The following SSX2IP variants were observed in gnomAD, a reference collection of about 807,000 sequenced individuals.
The protein encoded by SSX2IP is afadin- and alpha-actinin-binding protein.
Under a neutral mutation model 84.9 loss-of-function variants are expected in SSX2IP, and 55 were observed. That is an observed-to-expected ratio of 0.65 (90% CI 0.52 to 0.81). The LOEUF is 0.81. Among genes scored for constraint, SSX2IP ranks in the 30% least tolerant of loss-of-function variants. SSX2IP has a pLI of 0.00. For missense variants in SSX2IP, 664 were observed against 705.2 expected, an observed-to-expected ratio of 0.94 and a Z score of 0.66; for synonymous variants, 239 against 234.7, an observed-to-expected ratio of 1.02 and a Z score of -0.17.
chr1:84,670,444 T>C (rs1275189406), intron 3 of SSX2IP: 2 of 340,378 alleles, frequency 5.9e-6, no homozygotes, highest in Non-Finnish European at 1.1e-5. Context: ...CCTGGGACAA[T>C]GAGGAGGCCA....
chr1:84,678,816 G>C (rs915200818), intron 1 of SSX2IP, among the ~76,000 whole-genome samples: 2 of 152,128 alleles, frequency 1.3e-5, no homozygotes, highest in East Asian at 3.8e-4. Flanking sequence ...CCCTCACAAA[G>C]TACAGTACTT....
intron 1 of SSX2IP, among the ~76,000 whole-genome samples, chr1:84,675,877 C>G (rs1654259430): frequency 6.6e-6 from 1 of 152,208 alleles, no homozygotes; most frequent in Non-Finnish European, 1.5e-5. Flanking sequence ...CCCTGCCCCC[C>G]TTTCCCTTCC....
At chr1:84,668,216 C>T (rs1441549140) in intron 4 of SSX2IP, among the ~76,000 whole-genome samples, 1 of 152,126 alleles carries the variant, frequency 6.6e-6, no homozygotes, top group Non-Finnish European at 1.5e-5. Flanking sequence ...TCAATAGCCT[C>T]AGATCACCAA....
chr1:84,666,034 T>C, intron 5 of SSX2IP, 88 bp downstream of exon 5: 1 of 944,338 alleles, frequency 1.1e-6, no homozygotes, highest in Non-Finnish European at 1.6e-6. Context: ...TCTTTCTTTT[T>C]TCAAGTAAAG....
At position 84,670,685 on chromosome 1, in the gene SSX2IP, T is replaced by C. The variant is rs1353627323; in HGVS notation, c.174A>G (p.Thr58=). ...AGATACTCTGTTCAATATTATCTTC[T>C]GTGCAGAAGGCACTGAAAAAACTGT... The part of the protein sequence containing the change: ...NVHSFFSAFC[T]EDNIEQSISY... Residue 58 remains threonine (T), a synonymous_variant, in exon 3 of 14, where the codon ACA becomes ACG. Coordinates refer to ENST00000342203, the MANE Select transcript of SSX2IP (RefSeq NM_001166293.2). 6.2e-7 allele frequency: 1 copy of C among 1,611,880 alleles called. No homozygotes were observed. Among genetic ancestry groups the C allele is most frequent in the Admixed American group, 1.7e-5 (1 of 59,892 alleles).
intron 9 of SSX2IP, 46 bp from the exon 10 acceptor site, chr1:84,656,530 T>C: frequency 6.4e-7 from 1 of 1,565,714 alleles, no homozygotes; most frequent in Non-Finnish European, 8.6e-7. Flanking sequence ...AGCCACCACT[T>C]AGTTTACAGT....
At chr1:84,660,663 G>A (rs1186826495) in intron 8 of SSX2IP, among the ~76,000 whole-genome samples, 1 of 151,972 alleles carries the variant, frequency 6.6e-6, no homozygotes, top group African/African-American at 2.4e-5. Flanking sequence ...TACTCTGGAG[G>A]CTGAGGCAGG....
At chr1:84,680,311 G>C (rs1434470337) in intron 1 of SSX2IP, 2 of 152,286 alleles carry the variant, frequency 1.3e-5, no homozygotes, top group East Asian at 3.9e-4. Context: ...AGACCATCTG[G>C]TTCCAAACCC....
At position 84,650,512 on chromosome 1, in the gene SSX2IP, T is replaced by G. The variant is rs771683639; in HGVS notation, c.1520A>C (p.Asn507Thr). The G allele has an allele frequency of 7.4e-6, 12 of 1,614,122 alleles. 1 individual carries two copies. In the South Asian group the frequency reaches 1.3e-4, roughly 18 times the overall value. ...CGGCTGCCTCGAGTGCACTATAAGATTGTCCCAATCAGAACCTGTTGTAAA... is the reference window on the plus strand; with the variant it reads ...CGGCTGCCTCGAGTGCACTATAAGAGTGTCCCAATCAGAACCTGTTGTAAA... The part of the protein sequence containing the change: ...SAFSGSSDWD[N>T]LIVHSRQPQK... The change falls in exon 13 of 14, where the codon AAT becomes ACT. Residue 507 changes from asparagine to threonine, a missense_variant. Coordinates refer to ENST00000342203, the MANE Select transcript of SSX2IP (RefSeq NM_001166293.2).
chr1:84,687,040 T>C (rs1655898403), intron 1 of SSX2IP, among the ~76,000 whole-genome samples: 1 of 152,224 alleles, frequency 6.6e-6, no homozygotes, highest in South Asian at 2.1e-4. Flanking sequence ...AGCATTTTTA[T>C]ATCAAGTAGA....
rs757801074 is a variant in SSX2IP at position 84,655,921 on chromosome 1, CTTT to C, written c.1297_1299del (p.Lys433del). 102 of 1,613,820 alleles carry C rather than the reference CTTT, an allele frequency of 6.3e-5. No homozygotes were observed. The highest frequency in any genetic ancestry group is 8.3e-5 in the Non-Finnish European group (98 of 1,179,954). Reference sequence around the variant, plus strand: ...TGCTCTTTAAAAAGGGACCATTCTTCTTTGAGACGTTCCTTTTCTTCCAACAAA... The same window carrying C: ...TGCTCTTTAAAAAGGGACCATTCTTCGAGACGTTCCTTTTCTTCCAACAAA... On this transcript the variant is annotated inframe_deletion, in exon 11 of 14. Coordinates refer to ENST00000342203, the MANE Select transcript of SSX2IP (RefSeq NM_001166293.2).
At position 84,655,958 on chromosome 1, in the gene SSX2IP, T is replaced by G; in HGVS notation, c.1263A>C (p.Arg421=). 1 of 1,613,690 alleles carries G rather than the reference T, an allele frequency of 6.2e-7. No individual in the cohort carries two copies. Among genetic ancestry groups the G allele is most frequent in the Non-Finnish European group, 8.5e-7 (1 of 1,179,910 alleles). ...CCTTTTCTTCCAACAAATAACAGTC[T>G]CGTAATAGTGAAGTGGTATCATCAT... is the stretch of plus-strand genomic sequence containing the variant. ...AYDDDTTSLL[R]DCYLLEEKER... Residue 421 remains arginine (R), a synonymous_variant, in exon 11 of 14, where the codon CGA becomes CGC. Coordinates refer to ENST00000342203, the MANE Select transcript of SSX2IP (RefSeq NM_001166293.2).
chr1:84,660,245 T>TA (rs1454554673), intron 8 of SSX2IP, among the ~76,000 whole-genome samples: 1 of 152,168 alleles, frequency 6.6e-6, no homozygotes, highest in South Asian at 2.1e-4. Context: ...TTCATCCACT[T>TA]AAACATGTGA....
chr1:84,673,635 G>C (rs1396094314), intron 1 of SSX2IP, among the ~76,000 whole-genome samples: 1 of 152,150 alleles, frequency 6.6e-6, no homozygotes, highest in African/African-American at 2.4e-5. Flanking sequence ...CAATAGTTCA[G>C]GCAAGATGAC....
chr1:84,664,639 T>C, intron 5 of SSX2IP, 87 bp from the exon 6 acceptor site: 1 of 1,180,450 alleles, frequency 8.5e-7, no homozygotes, highest in Non-Finnish European at 1.1e-6. Flanking sequence ...CCCATATAGG[T>C]TTTAAAATCC....
intron 1 of SSX2IP, among the ~76,000 whole-genome samples, chr1:84,677,481 G>A (rs12025014): frequency 0.2 from 30,997 of 151,986 alleles, 3,460 homozygotes; most frequent in African/African-American, 0.28. Flanking sequence ...TAGGTAAGCA[G>A]TCTCTAGGAT....
intron 4 of SSX2IP, among the ~76,000 whole-genome samples, chr1:84,668,870 C>G (rs1653117771): frequency 6.6e-6 from 1 of 152,054 alleles, no homozygotes; most frequent in Non-Finnish European, 1.5e-5. Context: ...AGCTGATCAT[C>G]TGACAGTATG....
At chr1:84,688,561 T>A (rs961171948) in intron 1 of SSX2IP, among the ~76,000 whole-genome samples, 8 of 152,218 alleles carry the variant, frequency 5.3e-5, no homozygotes, top group Non-Finnish European at 1.0e-4. Flanking sequence ...AAAACCGGTG[T>A]CACGGCCTGC....
chr1:84,680,447 T>C (rs1483418481), intron 1 of SSX2IP: 2 of 152,152 alleles, frequency 1.3e-5, no homozygotes, highest in African/African-American at 2.4e-5. Context: ...ACAGTAAATT[T>C]AGTTACCAAA....
Sources: gnomAD v4.1 joint callset for allele counts (sites outside exome capture counted in the v4.1 genomes callset) on GRCh38, gnomAD v4.1.1 for gene constraint, MANE v1.5 for transcripts, NCBI Gene and HGNC (gene_info 2026-07-23, HGNC 2026-07-21) for gene names.